Variants in SPEG observed in about 807,000 individuals in gnomAD.
SPEG encodes striated muscle enriched protein kinase.
A neutral mutation model predicts 300.4 loss-of-function variants in SPEG; 114 were observed. The observed-to-expected ratio is 0.38, with a 90% CI of 0.33 to 0.44. The LOEUF (loss-of-function observed/expected upper bound fraction) is 0.44, where lower values mean the gene tolerates loss of function less well. SPEG is among the 20% of genes least tolerant of loss of function. SPEG has a pLI of 1.00. For synonymous variants in SPEG, 1,964 were observed against 2,018.9 expected (o/e 0.97, Z 0.73); for missense variants, 4,201 against 4,586.2 (o/e 0.92, Z 2.43).
intron 9 of SPEG, chr2:219,466,372 C>T: frequency 2.2e-6 from 3 of 1,380,454 alleles, no homozygotes; most frequent in Non-Finnish European, 2.8e-6. Context: ...TGAAGGGGAG[C>T]ACCGGGCGAG....
Position 219,477,357 on chromosome 2 carries a change from G to C in SPEG, c.4641G>C (p.Thr1547=). The change falls in exon 20 of 41, where the codon ACG becomes ACC. Residue 1547 remains threonine, a synonymous_variant. Transcript: ENST00000312358. The surrounding 1 kb of genome is among the most constrained non-coding windows in gnomAD (Gnocchi z 6.4). The part of the protein sequence containing the change: ...ENECSLVVLS[T]GAQDGGVYTC... Reference sequence around the variant, plus strand: ...AGTGCTCCCTGGTGGTGCTCAGCACGGGGGCCCAGGATGGAGGCGTCTACA... The same window carrying C: ...AGTGCTCCCTGGTGGTGCTCAGCACCGGGGCCCAGGATGGAGGCGTCTACA... 1 of 1,613,216 alleles carries C rather than the reference G, an allele frequency of 6.2e-7. No individual in the cohort carries two copies. Among genetic ancestry groups the C allele is most frequent in the Non-Finnish European group, 8.5e-7 (1 of 1,179,722 alleles).
At chr2:219,463,203 T>G (rs1163526017) in intron 8 of SPEG, among the ~76,000 whole-genome samples, 2 of 151,434 alleles carry the variant, frequency 1.3e-5, no homozygotes, top group African/African-American at 2.4e-5. Context: ...AGCAAGACCC[T>G]ATTGCTGAAA....
chr2:219,489,748 A>ACCAGCCCCTGAGCCC lies in SPEG; in HGVS notation c.8748_8762dup (p.Ala2917_Pro2921dup). The ACCAGCCCCTGAGCCC allele has an allele frequency of 6.2e-7, 1 of 1,613,490 alleles. No homozygotes were observed. The highest frequency in any genetic ancestry group is 2.2e-5 in the East Asian group (1 of 44,868). Reference sequence around the variant, plus strand: ...TGGTGACTTCCTTTGTGTCTGCACCACCAGCCCCTGAGCCCCCAGCCCCTG... The same window carrying ACCAGCCCCTGAGCCC: ...TGGTGACTTCCTTTGTGTCTGCACCACCAGCCCCTGAGCCCCCAGCCCCTGAGCCCCCAGCCCCTG... On this transcript the variant is annotated inframe_insertion, in exon 36 of 41. Coordinates refer to ENST00000312358, the MANE Select transcript of SPEG (RefSeq NM_005876.5).
Position 219,477,190 on chromosome 2 carries a change from T to C in SPEG, c.4561-87T>C. 1 of 329,492 alleles carries C rather than the reference T, an allele frequency of 3.0e-6. No homozygotes were observed. The highest frequency in any genetic ancestry group is 1.9e-5 in the African/African-American group (1 of 51,650). The allele number at this position is 329,492 out of a possible 1,614,324, so 20.4% of individuals were successfully genotyped here. ...GCTGACTCTGGGTCCTGGTGAGAGA[T>C]GCGCTGCCCAGAGTAGGAGATGAGG... On this transcript the variant is annotated intron_variant, in intron 19 of 40. Transcript: ENST00000312358. The surrounding 1 kb of genome is among the most constrained non-coding windows in gnomAD (Gnocchi z 6.4).
intron 1 of SPEG, among the ~76,000 whole-genome samples, chr2:219,440,167 G>A (rs1954821743): frequency 6.6e-6 from 1 of 152,180 alleles, no homozygotes; most frequent in South Asian, 2.1e-4. Context: ...AGAATAGCTT[G>A]AGCCCAGGAG....
chr2:219,477,461 G>A lies in SPEG; in HGVS notation c.4729+16G>A, dbSNP rs139593630. ...GTGCATTCAGGTAGGCAGGAGTTCC[G>A]GAGAAAGGTAAAGCGCACACCCCCT... On this transcript the variant is annotated intron_variant, in intron 20 of 40. Coordinates refer to ENST00000312358, the MANE Select transcript of SPEG (RefSeq NM_005876.5). The surrounding 1 kb of genome is among the most constrained non-coding windows in gnomAD (Gnocchi z 6.4). The A allele has an allele frequency of 4.2e-3, 6,542 of 1,560,988 alleles. 14 individuals are homozygous for A. Among genetic ancestry groups the A allele is most frequent in the Non-Finnish European group, 5.3e-3 (6,089 of 1,151,640 alleles).
chr2:219,472,175 G>T, intron 14 of SPEG, 52 bp from the exon 15 acceptor site: 1 of 1,586,518 alleles, frequency 6.3e-7, no homozygotes. Context: ...CGGTGATCCT[G>T]TGGGGCTGTT....
In SPEG at chr2:219,444,541, C is replaced by A; in HGVS notation, c.389-112C>A. ...AGCAAAAGAGAGGAGGTGCTGGCAG[C>A]CCTGCCAGTGATAAGATGGAGCCTG... On this transcript the variant is annotated intron_variant, in intron 1 of 40. Transcript: ENST00000312358. The surrounding 1 kb of genome is among the most constrained non-coding windows in gnomAD (Gnocchi z 7.8). 1 of 878,148 alleles carries A rather than the reference C, an allele frequency of 1.1e-6. No homozygotes were observed. The highest frequency in any genetic ancestry group is 1.9e-6 in the Non-Finnish European group (1 of 540,002). 54.4% of individuals were successfully genotyped at this position (878,148 alleles called of 1,614,324 possible).
In SPEG at chr2:219,483,794, G is replaced by A; in HGVS notation, c.6331G>A (p.Glu2111Lys). ...CCGGATGGCACGAGCTGCCTCCAGC[G>A]AGGCAGCGCCCCACCACCAGCCCCC... ...DPRMARAASSEAAPHHQPPLE... is the reference protein window; with the variant it reads ...DPRMARAASSKAAPHHQPPLE... Residue 2111 changes from glutamate to lysine, a missense_variant, in exon 30 of 41, where the codon GAG becomes AAG. Around this residue, in one of 4 missense-constraint regions of SPEG, gnomAD observed 1,578 missense variants for 1,506.0 expected, o/e 1.05. Transcript: ENST00000312358. The A allele has an allele frequency of 1.3e-6, 2 of 1,567,018 alleles. No homozygotes were observed. Among genetic ancestry groups the A allele is most frequent in the Admixed American group, 1.8e-5 (1 of 54,868 alleles).
Position 219,451,026 on chromosome 2 carries a change from C to T in SPEG, c.2114-110C>T. ...CCCCAAGTCCCTGCTTTCTAGAAGC[C>T]CCTCTGTCTGGGTTTGGCTTTCTAG... On this transcript the variant is annotated intron_variant, in intron 4 of 40. Coordinates refer to ENST00000312358, the MANE Select transcript of SPEG (RefSeq NM_005876.5). This position sits in a 1 kb window ranked among gnomAD's most constrained non-coding sequence, Gnocchi z 6.4. The T allele has an allele frequency of 8.9e-7, 1 of 1,124,676 alleles. No homozygotes were observed. The highest frequency in any genetic ancestry group is 1.2e-6 in the Non-Finnish European group (1 of 816,804). The allele number at this position is 1,124,676 out of a possible 1,614,324, so 69.7% of individuals were successfully genotyped here.
At chr2:219,485,221 G>A in intron 30 of SPEG, 125 bp from the exon 31 acceptor site, 3 of 1,488,852 alleles carry the variant, frequency 2.0e-6, no homozygotes, top group South Asian at 1.3e-5. Flanking sequence ...GGGGAGGAAA[G>A]CAGGAATGGC....
intron 9 of SPEG, chr2:219,466,953 C>A: frequency 9.4e-7 from 1 of 1,063,808 alleles, no homozygotes; most frequent in Non-Finnish European, 1.2e-6. Flanking sequence ...CTCTTGCCTC[C>A]ATGAATCACC....
chr2:219,490,885 G>A lies in SPEG; in HGVS notation c.9314G>A (p.Gly3105Asp). 2 of 1,613,902 alleles carry A rather than the reference G, an allele frequency of 1.2e-6. No individual in the cohort carries two copies. The highest frequency in any genetic ancestry group is 8.5e-7 in the Non-Finnish European group (1 of 1,180,016). Reference protein sequence around the residue: ...PDNALKIVDFGSAQPYNPQAL... With the variant: ...PDNALKIVDFDSAQPYNPQAL... ...AATGCCCTCAAGATTGTGGACTTTG[G>A]CAGTGCCCAGCCCTACAACCCCCAG... Residue 3105 changes from glycine (G) to aspartate (D), a missense_variant, in exon 38 of 41, where the codon GGC becomes GAC. Physicochemically the swap from Gly to Asp is moderately conservative, Grantham distance 94 (BLOSUM62 -1). Around this residue, in one of 4 missense-constraint regions of SPEG, gnomAD observed 318 missense variants for 429.5 expected, o/e 0.74. Coordinates refer to ENST00000312358, the MANE Select transcript of SPEG (RefSeq NM_005876.5).
chr2:219,447,204 A>C (rs1178108203), intron 3 of SPEG, among the ~76,000 whole-genome samples: 1 of 30,804 alleles, frequency 3.2e-5, no homozygotes, highest in African/African-American at 8.8e-5. Flanking sequence ...ATTTCAGAGC[A>C]TATCCCTGTG....
intron 9 of SPEG, 168 bp from the exon 10 acceptor site, chr2:219,467,006 G>T: frequency 9.4e-7 from 1 of 1,064,148 alleles, no homozygotes; most frequent in South Asian, 2.2e-5. Flanking sequence ...GCCAGGTCTG[G>T]GCATGCCTTG....
chr2:219,441,319 G>C (rs1688901803), intron 1 of SPEG, among the ~76,000 whole-genome samples: 1 of 152,158 alleles, frequency 6.6e-6, no homozygotes, highest in African/African-American at 2.4e-5. Flanking sequence ...ATGTACGGGG[G>C]TAGGGGGCCG....
chr2:219,476,357 G>A (rs1332108083), intron 18 of SPEG, among the ~76,000 whole-genome samples: 1 of 152,150 alleles, frequency 6.6e-6, no homozygotes, highest in African/African-American at 2.4e-5. Flanking sequence ...TTAATTCAGG[G>A]TCACAGGCTG....
rs776924994 is a variant in SPEG at position 219,490,540 on chromosome 2, A to G, written c.9053A>G (p.His3018Arg). ...LQEYEVLRTL[H>R]HERIMSLHEA... is the part of the protein sequence containing the mutation. ...GAGTACGAGGTGCTGCGGACCCTGC[A>G]CCACGAGCGGATCATGTCCCTGCAC... The change falls in exon 37 of 41, where the codon CAC becomes CGC. Residue 3018 changes from histidine to arginine, a missense_variant. Physicochemically the swap from His to Arg is conservative, Grantham distance 29 (BLOSUM62 0). Transcript: ENST00000312358. 1.2e-6 allele frequency: 2 copies of G among 1,613,520 alleles called. No individual in the cohort carries two copies.
intron 9 of SPEG, chr2:219,465,938 CACGTGTGCGTGCATGTGTGCGTGT>C (rs1330417326): frequency 4.0e-6 from 1 of 247,094 alleles, no homozygotes; most frequent in Admixed American, 6.6e-5. Context: ...CGTGTGCGTG[CACGTGTGCGTGCATGTGTGCGTGT>C]GCATGCGTGT....
Sources: gnomAD v4.1 joint callset for allele counts (sites outside exome capture counted in the v4.1 genomes callset) on GRCh38, gnomAD v4.1.1 for gene constraint, gnomAD v4.1.1 regional missense constraint, Gnocchi (gnomAD v3.1) non-coding constraint, MANE v1.5 for transcripts, NCBI Gene and HGNC (gene_info 2026-07-23, HGNC 2026-07-21) for gene names.